Variants in FRMPD1 observed in about 807,000 individuals in gnomAD.
FRMPD1 encodes the protein FERM and PDZ domain-containing protein 1.
Under a neutral mutation model 117.8 loss-of-function variants are expected in FRMPD1, and 76 were observed. The ratio of observed to expected loss-of-function variants is 0.65; its 90% CI spans 0.54 to 0.78. The LOEUF is 0.78. FRMPD1 is among the 30% of genes least tolerant of loss of function. The pLI, the probability that FRMPD1 is intolerant of heterozygous loss-of-function variation, is 0.00. For synonymous variants in FRMPD1, 783 were observed against 770.4 expected (o/e 1.02, Z -0.27); for missense variants, 1,786 against 1,964.5 (o/e 0.91, Z 1.72).
intron 1 of FRMPD1, among the ~76,000 whole-genome samples, chr9:37,684,722 A>G (rs1821859102): frequency 6.6e-6 from 1 of 152,176 alleles, no homozygotes; most frequent in Non-Finnish European, 1.5e-5. Context: ...AATGTGGGGC[A>G]CAAAACAGGG....
chr9:37,646,169 A>T (rs912783675), upstream of FRMPD1, among the ~76,000 whole-genome samples: 3 of 152,186 alleles, frequency 2.0e-5, no homozygotes, highest in Admixed American at 1.3e-4. Context: ...CCTTGATGTA[A>T]CTGTCTCATT....
At chr9:37,671,565 A>G (rs892655423) in intron 1 of FRMPD1, among the ~76,000 whole-genome samples, 1 of 152,220 alleles carries the variant, frequency 6.6e-6, no homozygotes, top group Non-Finnish European at 1.5e-5. Flanking sequence ...ATACAAGTAA[A>G]TAGTCAAATA....
chr9:37,623,717 T>C, the FRMPD1 span, among the ~76,000 whole-genome samples: 1 of 152,086 alleles, frequency 6.6e-6, no homozygotes, highest in East Asian at 1.9e-4. Flanking sequence ...AGAAGCTTAA[T>C]CCTGTAGCAG....
chr9:37,680,464 G>A (rs977948590), intron 1 of FRMPD1, among the ~76,000 whole-genome samples: 1 of 152,224 alleles, frequency 6.6e-6, no homozygotes, highest in African/African-American at 2.4e-5. Context: ...AAGCTAAAAC[G>A]AGAGGCACTG....
Position 37,711,333 on chromosome 9 carries a change from A to G in FRMPD1, c.363-17A>G. Reference sequence around the variant, plus strand: ...AGAACGACTAAATGTTTTTGTCTTTATTCTTTCTTTTTTCAGGGAAGCAGA... The same window carrying G: ...AGAACGACTAAATGTTTTTGTCTTTGTTCTTTCTTTTTTCAGGGAAGCAGA... On this transcript the variant is annotated splice_polypyrimidine_tract_variant and intron_variant, in intron 4 of 15. Transcript: ENST00000377765. The G allele has an allele frequency of 6.3e-7, 1 of 1,582,732 alleles. No homozygotes were observed. Among genetic ancestry groups the G allele is most frequent in the East Asian group, 2.2e-5 (1 of 44,744 alleles).
rs527918972 is a variant in FRMPD1, at chr9:37,707,620, G to A, written c.259+47G>A. The A allele has an allele frequency of 4.7e-6, 7 of 1,490,832 alleles. No homozygotes were observed. In the African/African-American group the frequency reaches 5.5e-5, roughly 12 times the overall value. The allele number at this position is 1,490,832 out of a possible 1,614,324, so 92.4% of individuals were successfully genotyped here. A position where few individuals can be genotyped will look rare whatever the true frequency, so the allele number is the denominator to read the frequency against. On this transcript the variant is annotated intron_variant, in intron 3 of 15. Transcript: ENST00000377765. ...AGAAAGGAGTTTGGTTTCTTAAGGG[G>A]AAATAGCCCCAAATCTCCCCGATCT...
chr9:37,650,739 C>T (rs538843799), upstream of FRMPD1, among the ~76,000 whole-genome samples: 862 of 152,106 alleles, frequency 5.7e-3, 12 homozygotes, highest in African/African-American at 0.019. Flanking sequence ...AGGCAGGCGG[C>T]GGAGGCAGGG....
At chr9:37,618,506 A>C in the FRMPD1 span, among the ~76,000 whole-genome samples, 1 of 152,084 alleles carries the variant, frequency 6.6e-6, no homozygotes, top group Non-Finnish European at 1.5e-5. Flanking sequence ...TGGGCACATA[A>C]ATTTCCCAGC....
At chr9:37,739,316 G>GA (rs1824274736) in intron 14 of FRMPD1, among the ~76,000 whole-genome samples, 2 of 152,170 alleles carry the variant, frequency 1.3e-5, no homozygotes, top group African/African-American at 4.8e-5. Flanking sequence ...TGTTGTGGGG[G>GA]AGGCCAGGCT....
intron 5 of FRMPD1, chr9:37,715,581 T>A: frequency 2.2e-6 from 1 of 453,486 alleles, no homozygotes; most frequent in Non-Finnish European, 4.4e-6. Flanking sequence ...TGCTTTGTGA[T>A]GAATTAATTT....
the FRMPD1 span, among the ~76,000 whole-genome samples, chr9:37,638,026 C>CCTT: frequency 6.3e-5 from 3 of 47,334 alleles, no homozygotes; most frequent in Non-Finnish European, 1.2e-4. Context: ...CTTTCTTTCT[C>CCTT]TCTCTTTCTT....
At chr9:37,636,759 A>C in the FRMPD1 span, 1 of 1,602,956 alleles carries the variant, frequency 6.2e-7, no homozygotes. Context: ...TCGCCCCCGG[A>C]GGCTGCTCCG....
chr9:37,736,877 G>C (rs67259447), intron 13 of FRMPD1, among the ~76,000 whole-genome samples: 1 of 138,468 alleles, frequency 7.2e-6, no homozygotes, highest in Non-Finnish European at 1.6e-5. Flanking sequence ...GTGTGTGTGT[G>C]TATGTGTGCG....
chr9:37,619,562 C>T, the FRMPD1 span, among the ~76,000 whole-genome samples: 5 of 151,778 alleles, frequency 3.3e-5, no homozygotes, highest in Non-Finnish European at 4.4e-5. Flanking sequence ...GTTTGAGACC[C>T]GCCTGGCCAA....
At chr9:37,687,409 C>T (rs1285525876) in intron 1 of FRMPD1, among the ~76,000 whole-genome samples, 1 of 152,172 alleles carries the variant, frequency 6.6e-6, no homozygotes, top group Non-Finnish European at 1.5e-5. Flanking sequence ...TTTTAAATCT[C>T]CTTTCCTAGA....
intron 15 of FRMPD1, among the ~76,000 whole-genome samples, chr9:37,741,577 TC>T (rs1824424625): frequency 6.6e-6 from 1 of 152,100 alleles, no homozygotes; most frequent in African/African-American, 2.4e-5. Context: ...CAGCCCTTGT[TC>T]CTGTCTCGGC....
At chr9:37,603,376 T>C in the FRMPD1 span, among the ~76,000 whole-genome samples, 4 of 152,102 alleles carry the variant, frequency 2.6e-5, no homozygotes, top group Non-Finnish European at 5.9e-5. Context: ...AACTGAACCA[T>C]TGGTTTGGGT....
chr9:37,679,431 A>G lies in FRMPD1; in HGVS notation c.-4-13207A>G, dbSNP rs77353932. Among the ~76,000 whole-genome samples, 39 of 152,364 alleles carry G rather than the reference A, an allele frequency of 2.6e-4. No homozygotes were observed. The East Asian group carries it at 5.4e-3, about 21-fold the overall frequency. ...AAGCATACAATTCAGAAGTTTTGGT[A>G]TATTCACAGATATGTACTAACATCA... On this transcript the variant is annotated intron_variant, in intron 1 of 15. Transcript: ENST00000377765.
chr9:37,666,053 A>G (rs1821149885), intron 1 of FRMPD1, among the ~76,000 whole-genome samples: 1 of 152,080 alleles, frequency 6.6e-6, no homozygotes, highest in Admixed American at 6.5e-5. Context: ...ACATTACCTC[A>G]TCGTTAATTT....
Sources: allele counts gnomAD v4.1 joint callset (sites outside exome capture counted in the v4.1 genomes callset), GRCh38; gene constraint gnomAD v4.1.1; transcripts MANE v1.5; gene names NCBI Gene and HGNC (gene_info 2026-07-23, HGNC 2026-07-21).